The following AFF2 variants were observed in gnomAD, a reference collection of about 807,000 sequenced individuals.
AFF2 encodes the protein ALF transcription elongation factor 2, also known as AF4/FMR2 family member 2.
Under a neutral mutation model 76.9 loss-of-function variants are expected in AFF2, and 14 were observed. The ratio of observed to expected loss-of-function variants is 0.18; its 90% CI spans 0.12 to 0.28. AFF2 has a LOEUF of 0.28. Among genes scored for constraint, AFF2 ranks in the 10% least tolerant of loss-of-function variants. The probability of loss-of-function intolerance (pLI) is 1.00; values close to 1 mark genes in which losing one functional copy is unlikely to be tolerated. For synonymous variants in AFF2, 398 were observed against 366.7 expected, an observed-to-expected ratio of 1.09 and a Z score of -0.98; for missense variants, 868 against 1,001.1, an observed-to-expected ratio of 0.87 and a Z score of 1.79.
intron 5 of AFF2, among the ~76,000 whole-genome samples, chrX:148,842,323 G>T (rs782256379): frequency 1.6e-3 from 185 of 112,719 alleles, no homozygotes; most frequent in African/African-American, 5.6e-3. Flanking sequence ...AATGAATTGT[G>T]TATAGTGTGA....
chrX:148,520,887 A>G (rs1446336422), intron 1 of AFF2, among the ~76,000 whole-genome samples: 1 of 112,388 alleles, frequency 8.9e-6, no homozygotes, highest in African/African-American at 3.2e-5. Flanking sequence ...TTTTTTGTAA[A>G]GTAATTTGTT....
At chrX:148,693,684 T>C (rs1443610496) in intron 3 of AFF2, among the ~76,000 whole-genome samples, 1 of 111,726 alleles carries the variant, frequency 9.0e-6, no homozygotes, top group African/African-American at 3.3e-5. Flanking sequence ...GAAAAGGCCA[T>C]CATTTGCTGT....
chrX:148,735,104 C>A (rs1373882612), intron 3 of AFF2, among the ~76,000 whole-genome samples: 1 of 112,042 alleles, frequency 8.9e-6, no homozygotes, highest in Non-Finnish European at 1.9e-5. Flanking sequence ...AAGTGGCTTG[C>A]TTGGGAATTA....
intron 2 of AFF2, among the ~76,000 whole-genome samples, chrX:148,658,788 T>A (rs782765137): frequency 2.7e-5 from 3 of 112,667 alleles, no homozygotes; most frequent in African/African-American, 9.6e-5. Context: ...TTCAATTTAA[T>A]GTTCAATCAT....
chrX:148,522,307 A>G (rs1557234630), intron 1 of AFF2, among the ~76,000 whole-genome samples: 2 of 112,626 alleles, frequency 1.8e-5, no homozygotes, highest in East Asian at 2.8e-4. Context: ...ATGCATTTGC[A>G]TGGGGCAGAA....
chrX:148,953,942 A>G (rs2072002547), intron 10 of AFF2, among the ~76,000 whole-genome samples: 1 of 112,461 alleles, frequency 8.9e-6, no homozygotes, highest in South Asian at 3.7e-4. Context: ...TACTCCTAAC[A>G]TGCATACATT....
chrX:148,608,668 C>T (rs1056228041), intron 1 of AFF2, among the ~76,000 whole-genome samples: 10 of 108,485 alleles, frequency 9.2e-5, no homozygotes, highest in African/African-American at 3.0e-4. Flanking sequence ...TACTCATGCC[C>T]GCATGCCAGC....
intron 3 of AFF2, among the ~76,000 whole-genome samples, chrX:148,779,792 A>T (rs2069718066): frequency 8.9e-6 from 1 of 111,777 alleles, no homozygotes. Flanking sequence ...TGTCGTTACG[A>T]TTCTAGCTGG....
In AFF2 at chrX:148,621,665, T is replaced by C. The variant is rs782231041; in HGVS notation, c.48-30334T>C. 4.5e-5 allele frequency among the ~76,000 whole-genome samples: 5 copies of C among 112,097 alleles called. No homozygotes were observed. The East Asian group carries it at 1.1e-3, about 25-fold the overall frequency. On this transcript the variant is annotated intron_variant, in intron 1 of 20. Coordinates refer to ENST00000370460, the MANE Select transcript of AFF2 (RefSeq NM_002025.4). ...AACAAGAACATTGTGTTTCAGGCAC[T>C]CTATTGAAGAGCCCATTAGCTGTGG... is the stretch of plus-strand genomic sequence containing the variant.
chrX:148,771,414 A>G (rs924278437), intron 3 of AFF2, among the ~76,000 whole-genome samples: 1 of 112,092 alleles, frequency 8.9e-6, no homozygotes, highest in African/African-American at 3.2e-5. Flanking sequence ...TTTTTCACAA[A>G]CAGAATCAAG....
chrX:148,589,879 G>A (rs1011466770), intron 1 of AFF2, among the ~76,000 whole-genome samples: 1 of 108,639 alleles, frequency 9.2e-6, no homozygotes, highest in Non-Finnish European at 1.9e-5. Context: ...TGCTTAATTT[G>A]TATTATTGTA....
At chrX:148,749,615 C>T (rs1277198955) in intron 3 of AFF2, among the ~76,000 whole-genome samples, 2 of 111,370 alleles carry the variant, frequency 1.8e-5, no homozygotes, top group African/African-American at 3.3e-5. Context: ...AGTCCTGTAG[C>T]GCCTGAGGAA....
At chrX:148,824,633 C>T (rs782149224) in intron 4 of AFF2, among the ~76,000 whole-genome samples, 5 of 112,163 alleles carry the variant, frequency 4.5e-5, no homozygotes, top group East Asian at 2.8e-4. Flanking sequence ...TTAATAAATT[C>T]GTGCCTCTCC....
intron 3 of AFF2, among the ~76,000 whole-genome samples, chrX:148,776,813 C>T (rs1189011503): frequency 1.8e-5 from 2 of 111,578 alleles, no homozygotes; most frequent in East Asian, 5.7e-4. Context: ...GTTGCCTGTT[C>T]ACTCTGATGA....
chrX:148,904,159 A>G, intron 8 of AFF2, 62 bp from the exon 9 acceptor site: 1 of 683,028 alleles, frequency 1.5e-6, no homozygotes, highest in Admixed American at 2.5e-5. Context: ...TTGTTTTGGT[A>G]GCTAGTTGCA....
intron 3 of AFF2, among the ~76,000 whole-genome samples, chrX:148,749,845 C>G (rs1557266361): frequency 9.0e-6 from 1 of 111,694 alleles, no homozygotes; most frequent in Admixed American, 9.5e-5. Context: ...ATTGGTGAGA[C>G]ATTTGAGCAA....
chrX:148,556,305 G>T (rs2053052024), intron 1 of AFF2, among the ~76,000 whole-genome samples: 1 of 112,231 alleles, frequency 8.9e-6, no homozygotes, highest in African/African-American at 3.2e-5. Flanking sequence ...CTCATGATTT[G>T]AAAGTATTCT....
chrX:148,742,108 A>G (rs1456019470), intron 3 of AFF2, among the ~76,000 whole-genome samples: 21 of 111,758 alleles, frequency 1.9e-4, no homozygotes, highest in Non-Finnish European at 7.5e-5. Context: ...TCACAATGCT[A>G]GCCTCTGCAT....
intron 3 of AFF2, among the ~76,000 whole-genome samples, chrX:148,803,194 A>G (rs1195069650): frequency 1.2e-4 from 13 of 111,683 alleles, no homozygotes; most frequent in Non-Finnish European, 2.4e-4. Flanking sequence ...TAGGGCAGGC[A>G]CCAAAAGAAG....
Sources: gnomAD v4.1 joint callset for allele counts (sites outside exome capture counted in the v4.1 genomes callset) on GRCh38, gnomAD v4.1.1 for gene constraint, MANE v1.5 for transcripts, NCBI Gene and HGNC (gene_info 2026-07-23, HGNC 2026-07-21) for gene names.